NDUFA13: variants seen among roughly 807,000 people sequenced by gnomAD.
The protein encoded by NDUFA13 is NADH dehydrogenase [ubiquinone] 1 alpha subcomplex subunit 13.
A neutral mutation model predicts 17.0 loss-of-function variants in NDUFA13; 16 were observed. The observed-to-expected ratio is 0.94, with a 90% CI of 0.64 to 1.43. NDUFA13 has a LOEUF of 1.43. NDUFA13 is among the 40% of genes most tolerant of loss of function. The probability of loss-of-function intolerance (pLI) is 0.00; values close to 1 mark genes in which losing one functional copy is unlikely to be tolerated. For synonymous variants in NDUFA13, 87 were observed against 78.4 expected, an observed-to-expected ratio of 1.11 and a Z score of -0.58; for missense variants, 228 against 206.7, an observed-to-expected ratio of 1.10 and a Z score of -0.63.
chr19:19,524,037 G>A (rs1406223790), intron 1 of NDUFA13, among the ~76,000 whole-genome samples: 1 of 152,176 alleles, frequency 6.6e-6, no homozygotes, highest in African/African-American at 2.4e-5. Flanking sequence ...CAAAATGCTG[G>A]GATTACAAGC....
At chr19:19,522,065 G>A (rs1331920807) in intron 1 of NDUFA13, among the ~76,000 whole-genome samples, 4 of 152,076 alleles carry the variant, frequency 2.6e-5, no homozygotes, top group African/African-American at 4.8e-5. Flanking sequence ...AGCACTTTGG[G>A]GGGCAGAGGC....
chr19:19,523,099 G>A (rs76095338), intron 1 of NDUFA13, among the ~76,000 whole-genome samples: 23,730 of 152,264 alleles, frequency 0.16, 1,959 homozygotes, highest in Middle Eastern at 0.28. Context: ...TGTTTTGGCT[G>A]TTCTGGTCCC....
chr19:19,526,352 G>T, intron 2 of NDUFA13, 92 bp downstream of exon 2: 1 of 1,402,648 alleles, frequency 7.1e-7, no homozygotes, highest in South Asian at 1.2e-5. Context: ...CTGGCGAGGG[G>T]TGAACGGGCC....
At chr19:19,525,097 TGCTAGACAGGAG>T (rs1394820379) in intron 1 of NDUFA13, among the ~76,000 whole-genome samples, 1 of 152,174 alleles carries the variant, frequency 6.6e-6, no homozygotes, top group Non-Finnish European at 1.5e-5. Flanking sequence ...ACCTCCCATG[TGCTAGACAGGAG>T]GCTGAGAGCT....
intron 1 of NDUFA13, among the ~76,000 whole-genome samples, chr19:19,522,129 A>G (rs1264782688): frequency 6.6e-6 from 1 of 151,606 alleles, no homozygotes; most frequent in Non-Finnish European, 1.5e-5. Context: ...ATATGGCAAA[A>G]CCCCATCTCT....
At chr19:19,526,290 G>C in intron 2 of NDUFA13, 30 bp downstream of exon 2, 1 of 1,611,792 alleles carries the variant, frequency 6.2e-7, no homozygotes, top group Non-Finnish European at 8.5e-7. Context: ...TTGTCTGAAA[G>C]TGCCCCCCCG....
Position 19,516,283 on chromosome 19 carries a change from C to T in NDUFA13, c.45C>T (p.Gly15=), listed in dbSNP as rs183288709. Residue 15 remains glycine (G), a synonymous_variant, in exon 1 of 5, where the codon GGC becomes GGT. Coordinates refer to ENST00000507754, the MANE Select transcript of NDUFA13 (RefSeq NM_015965.7). ...AGCAGGACATGCCTCCGCCGGGGGG[C>T]TATGGGCCCATCGACTACAAACGGA... The part of the protein sequence containing the change: ...KVKQDMPPPG[G]YGPIDYKRNL... 1.9e-6 allele frequency: 3 copies of T among 1,613,784 alleles called. No homozygotes were observed. Among genetic ancestry groups the T allele is most frequent in the Admixed American group, 3.3e-5 (2 of 60,008 alleles).
rs776961861 is a variant in NDUFA13, at chr19:19,528,175, G to A, written c.*49G>A. ...GATCCCTGCCCCTCCCCACTGGGAC[G>A]GAATAAATGCTCTGCAGACCTGGCC... is the stretch of plus-strand genomic sequence containing the variant. On this transcript the variant is annotated 3_prime_UTR_variant, in exon 5 of 5. Transcript: ENST00000507754. 73 of 1,607,126 alleles carry A rather than the reference G, an allele frequency of 4.5e-5. No individual in the cohort carries two copies. Among genetic ancestry groups the A allele is most frequent in the Middle Eastern group, 2.2e-4 (1 of 4,470 alleles).
chr19:19,517,205 A>G (rs1445226240), intron 1 of NDUFA13, among the ~76,000 whole-genome samples: 2 of 152,154 alleles, frequency 1.3e-5, no homozygotes, highest in African/African-American at 2.4e-5. Context: ...AGACAAATAG[A>G]AACTTTTAAA....
At chr19:19,521,893 C>T (rs1289057132) in intron 1 of NDUFA13, among the ~76,000 whole-genome samples, 1 of 152,114 alleles carries the variant, frequency 6.6e-6, no homozygotes, top group African/African-American at 2.4e-5. Context: ...TGAGCCACTG[C>T]GCCCGGCTTA....
At chr19:19,522,063 G>C (rs1218076807) in intron 1 of NDUFA13, among the ~76,000 whole-genome samples, 2 of 152,004 alleles carry the variant, frequency 1.3e-5, no homozygotes, top group African/African-American at 4.8e-5. Context: ...CCAGCACTTT[G>C]GGGGGCAGAG....
chr19:19,516,262 G>A lies in NDUFA13; in HGVS notation c.24G>A (p.Gln8=), dbSNP rs746815377. ...GTATGGCGGCGTCAAAGGTGAAGCAGGACATGCCTCCGCCGGGGGGCTATG... is the reference window on the plus strand; with the variant it reads ...GTATGGCGGCGTCAAAGGTGAAGCAAGACATGCCTCCGCCGGGGGGCTATG... MAASKVK[Q]DMPPPGGYGP... The change falls in exon 1 of 5, where the codon CAG becomes CAA. Residue 8 remains glutamine, a synonymous_variant. Transcript: ENST00000507754. 20 of 1,613,898 alleles carry A rather than the reference G, an allele frequency of 1.2e-5. No individual in the cohort carries two copies. Among genetic ancestry groups the A allele is most frequent in the Admixed American group, 1.7e-5 (1 of 59,994 alleles).
intron 2 of NDUFA13, 148 bp downstream of exon 2, chr19:19,526,408 C>T (rs2144645316): frequency 1.2e-6 from 1 of 816,740 alleles, no homozygotes; most frequent in East Asian, 2.7e-5. Flanking sequence ...AGTGCAGATC[C>T]AGACCCAGCA....
chr19:19,528,149 G>A lies in NDUFA13; in HGVS notation c.*23G>A, dbSNP rs1345214839. ...TAGGCCCTGTGCCCTCCGGCCACCT[G>A]GATCCCTGCCCCTCCCCACTGGGAC... On this transcript the variant is annotated 3_prime_UTR_variant, in exon 5 of 5. Transcript: ENST00000507754. 1 of 1,610,588 alleles carries A rather than the reference G, an allele frequency of 6.2e-7. No individual in the cohort carries two copies. Among genetic ancestry groups the A allele is most frequent in the Non-Finnish European group, 8.5e-7 (1 of 1,179,900 alleles).
intron 1 of NDUFA13, among the ~76,000 whole-genome samples, chr19:19,520,055 A>G (rs1960148431): frequency 6.7e-6 from 1 of 148,544 alleles, no homozygotes. Context: ...GCTCACTGCA[A>G]GGATGGTCTC....
chr19:19,527,616 C>CT, intron 3 of NDUFA13, 85 bp from the exon 4 acceptor site: 1 of 1,142,546 alleles, frequency 8.8e-7, no homozygotes, highest in Non-Finnish European at 1.3e-6. Context: ...CGGAGGGAGG[C>CT]TTGAAGGGGT....
At chr19:19,527,028 AAAG>A (rs1249058148) in intron 2 of NDUFA13, among the ~76,000 whole-genome samples, 2 of 152,212 alleles carry the variant, frequency 1.3e-5, no homozygotes, top group Non-Finnish European at 2.9e-5. Flanking sequence ...TTTTAATTGA[AAAG>A]AAAGTAGAAA....
chr19:19,524,378 A>G (rs1182230844), intron 1 of NDUFA13, among the ~76,000 whole-genome samples: 1 of 152,122 alleles, frequency 6.6e-6, no homozygotes, highest in Non-Finnish European at 1.5e-5. Flanking sequence ...TTTGGAATTT[A>G]TTTCTTCTTT....
At chr19:19,516,436 G>A (rs1040025500) in intron 1 of NDUFA13, 104 bp downstream of exon 1, 4 of 1,251,226 alleles carry the variant, frequency 3.2e-6, no homozygotes, top group Non-Finnish European at 4.6e-6. Flanking sequence ...CGGTGTGACC[G>A]GAGGCGGAGC....
Sources: gnomAD v4.1 joint callset for allele counts (sites outside exome capture counted in the v4.1 genomes callset) on GRCh38, gnomAD v4.1.1 for gene constraint, MANE v1.5 for transcripts, NCBI Gene and HGNC (gene_info 2026-07-23, HGNC 2026-07-21) for gene names.